Variants in POLN observed in about 807,000 individuals in gnomAD.
POLN encodes the protein DNA polymerase nu.
Under a neutral mutation model 113.5 loss-of-function variants are expected in POLN, and 108 were observed. The ratio of observed to expected loss-of-function variants is 0.95; its 90% CI spans 0.81 to 1.12. The LOEUF (loss-of-function observed/expected upper bound fraction) is 1.12. Among genes scored for constraint, POLN ranks in the 50% most tolerant of loss-of-function variants. The pLI is 0.00. For synonymous variants in POLN, 386 were observed against 391.5 expected, an observed-to-expected ratio of 0.99 and a Z score of 0.17; for missense variants, 1,097 against 1,077.1, an observed-to-expected ratio of 1.02 and a Z score of -0.26.
At chr4:2,207,761 C>T (rs1577771979) in intron 5 of POLN, among the ~76,000 whole-genome samples, 1 of 152,046 alleles carries the variant, frequency 6.6e-6, no homozygotes, top group Admixed American at 6.6e-5. Flanking sequence ...AATTTGAAAC[C>T]CTAGTACACT....
intron 16 of POLN, among the ~76,000 whole-genome samples, chr4:2,137,104 C>G (rs1577715703): frequency 6.6e-6 from 1 of 152,252 alleles, no homozygotes; most frequent in African/African-American, 2.4e-5. Flanking sequence ...CACAGCCCAG[C>G]ACACAGGAGC....
intron 4 of POLN, among the ~76,000 whole-genome samples, chr4:2,211,887 C>T (rs1030753593): frequency 3.9e-5 from 6 of 152,044 alleles, no homozygotes; most frequent in African/African-American, 2.4e-5. Context: ...CCCCTGCCTT[C>T]GGGATCCAAG....
intron 13 of POLN, among the ~76,000 whole-genome samples, chr4:2,161,026 T>C (rs527383912): frequency 1.3e-5 from 2 of 152,210 alleles, no homozygotes; most frequent in Non-Finnish European, 2.9e-5. Context: ...AGACACACTC[T>C]CTCTCCCTCT....
At chr4:2,098,426 A>G (rs1237371683) in intron 19 of POLN, among the ~76,000 whole-genome samples, 1 of 152,184 alleles carries the variant, frequency 6.6e-6, no homozygotes, top group Non-Finnish European at 1.5e-5. Flanking sequence ...CTAAGTGAAT[A>G]AACAACTACA....
At chr4:2,079,591 AT>A (rs1313454306) in intron 23 of POLN, 9 of 978,984 alleles carry the variant, frequency 9.2e-6, no homozygotes, top group East Asian at 1.1e-4. Flanking sequence ...AGTGAATCTT[AT>A]TTTTTTTTCT....
chr4:2,142,897 G>T (rs1577719440), intron 16 of POLN, among the ~76,000 whole-genome samples: 1 of 125,586 alleles, frequency 8.0e-6, no homozygotes, highest in South Asian at 2.4e-4. Context: ...TCCATCTACT[G>T]AACCCTCACC....
intron 13 of POLN, among the ~76,000 whole-genome samples, chr4:2,163,492 G>A (rs1406577924): frequency 2.6e-5 from 4 of 152,254 alleles, no homozygotes; most frequent in South Asian, 2.1e-4. Flanking sequence ...CCATGGCTCC[G>A]CGGGCTCACC....
In POLN at chr4:2,090,379, C is replaced by T. The variant is rs922745100; in HGVS notation, c.2066-4635G>A. On this transcript the variant is annotated intron_variant, in intron 20 of 25. Coordinates refer to ENST00000511885, the MANE Select transcript of POLN (RefSeq NM_181808.4). The stretch of plus-strand genomic sequence containing the variant: ...CATGTGATCAAGGCATGAATAAAAA[C>T]GAGCTTGATTAAATCCACTGAGCTG... 15 of 669,926 alleles carry T rather than the reference C, an allele frequency of 2.2e-5. No homozygotes were observed. In the East Asian group the frequency reaches 3.4e-4, roughly 15 times the overall value. The allele number at this position is 669,926 out of a possible 1,614,324, so 41.5% of individuals were successfully genotyped here. A position where few individuals can be genotyped will look rare whatever the true frequency, so the allele number is the denominator to read the frequency against.
rs932621770 is a variant in POLN at position 2,162,100 on chromosome 4, G to A, written c.1555-2889C>T. 1.6e-4 allele frequency among the ~76,000 whole-genome samples: 24 copies of A among 152,168 alleles called. No homozygotes were observed. The South Asian group carries it at 2.3e-3, about 14-fold the overall frequency. On this transcript the variant is annotated intron_variant, in intron 13 of 25. Coordinates refer to ENST00000511885, the MANE Select transcript of POLN (RefSeq NM_181808.4). ...AAAGCAGGCTGCCCGAGCCAGCAGC[G>A]GCAACCCGCTCCGGTCCCCTTCCAC... is the stretch of plus-strand genomic sequence containing the variant.
intron 16 of POLN, among the ~76,000 whole-genome samples, chr4:2,151,323 T>G (rs771845088): frequency 7.9e-5 from 12 of 152,200 alleles, no homozygotes; most frequent in Admixed American, 7.2e-4. Flanking sequence ...CAAATGCTGC[T>G]AGGAGTGTAA....
At chr4:2,101,099 C>T (rs1023080869) in intron 19 of POLN, among the ~76,000 whole-genome samples, 8 of 151,716 alleles carry the variant, frequency 5.3e-5, no homozygotes, top group Non-Finnish European at 1.0e-4. Flanking sequence ...ATCTTTGTTG[C>T]CACACAAATC....
At position 2,193,195 on chromosome 4, in the gene POLN, A is replaced by G. The variant is rs1733493017; in HGVS notation, c.1021+9T>C. The G allele has an allele frequency of 1.9e-6, 3 of 1,565,610 alleles. No individual in the cohort carries two copies. Among genetic ancestry groups the G allele is most frequent in the African/African-American group, 2.8e-5 (2 of 71,912 alleles). On this transcript the variant is annotated intron_variant, in intron 7 of 25. Transcript: ENST00000511885. ...TTAAATTATAGAGAGAATAAAAAATATAACTTACCATGCTTCCAACTGCCA... is the reference window on the plus strand; with the variant it reads ...TTAAATTATAGAGAGAATAAAAAATGTAACTTACCATGCTTCCAACTGCCA...
chr4:2,134,920 C>T (rs965429678), intron 16 of POLN, among the ~76,000 whole-genome samples: 6 of 152,184 alleles, frequency 3.9e-5, no homozygotes, highest in Admixed American at 2.0e-4. Context: ...ATACACATAA[C>T]GTACAAATTG....
chr4:2,079,982 A>C, intron 23 of POLN: 1 of 985,516 alleles, frequency 1.0e-6, no homozygotes, highest in Non-Finnish European at 1.2e-6. Flanking sequence ...AGCTGCAAGC[A>C]GAGTCCCTGG....
intron 20 of POLN, chr4:2,089,285 C>T (rs189505516): frequency 6.9e-7 from 1 of 1,444,994 alleles, no homozygotes; most frequent in Non-Finnish European, 9.5e-7. Flanking sequence ...GTGGGAGAAG[C>T]TTTAGGAAAT....
chr4:2,198,202 A>T (rs183700412), intron 6 of POLN, among the ~76,000 whole-genome samples: 1 of 152,268 alleles, frequency 6.6e-6, no homozygotes, highest in African/African-American at 2.4e-5. Flanking sequence ...TGATAAGGAA[A>T]ATCATCTGGG....
At position 2,129,235 on chromosome 4, in the gene POLN, G is replaced by T. The variant is rs376518009; in HGVS notation, c.1811C>A (p.Thr604Lys). The part of the protein sequence containing the change: ...NFKGKEDKIL[T>K]ISPRAMFVSS... Reference sequence around the variant, plus strand: ...AACAAACATGGCCCTCGGGGAGATCGTGAGAATCTTGTCTTCTTTACCTGA... The same window carrying T: ...AACAAACATGGCCCTCGGGGAGATCTTGAGAATCTTGTCTTCTTTACCTGA... Residue 604 changes from threonine (T) to lysine (K), a missense_variant, in exon 18 of 26, where the codon ACG (threonine) becomes AAG (lysine). Coordinates refer to ENST00000511885, the MANE Select transcript of POLN (RefSeq NM_181808.4). 6.3e-7 allele frequency: 1 copy of T among 1,596,468 alleles called. No individual in the cohort carries two copies. Among genetic ancestry groups the T allele is most frequent in the Non-Finnish European group, 8.6e-7 (1 of 1,164,174 alleles).
chr4:2,137,106 C>G (rs564759709), intron 16 of POLN, among the ~76,000 whole-genome samples: 1 of 152,354 alleles, frequency 6.6e-6, no homozygotes, highest in African/African-American at 2.4e-5. Context: ...CAGCCCAGCA[C>G]ACAGGAGCAA....
chr4:2,081,138 G>A (rs1730405754), intron 22 of POLN, 102 bp from the exon 23 acceptor site: 1 of 1,603,068 alleles, frequency 6.2e-7, no homozygotes, highest in East Asian at 2.2e-5. Context: ...CCTCCACACA[G>A]AGGTGCTGGC....
Sources: allele counts gnomAD v4.1 joint callset (sites outside exome capture counted in the v4.1 genomes callset), GRCh38; gene constraint gnomAD v4.1.1; transcripts MANE v1.5; gene names NCBI Gene and HGNC (gene_info 2026-07-23, HGNC 2026-07-21).